Variants in GALNT2 observed in about 807,000 individuals in gnomAD.
The protein encoded by GALNT2 is UDP-GalNAc:polypeptide N-acetylgalactosaminyltransferase 2.
GALNT2 carries 31 observed loss-of-function variants against 81.4 expected under a neutral mutation model. The observed-to-expected ratio is 0.38, with a 90% CI of 0.29 to 0.51. The LOEUF (loss-of-function observed/expected upper bound fraction) is 0.51, where lower values mean the gene tolerates loss of function less well. Ranked by LOEUF, GALNT2 falls within the 20% of genes least tolerant of loss-of-function variation. The pLI is 0.87. For missense variants in GALNT2, 629 were observed against 765.7 expected (o/e 0.82, Z 2.11); for synonymous variants, 303 against 287.4 (o/e 1.05, Z -0.55).
Position 230,276,019 on chromosome 1 carries a change from C to A in GALNT2, c.1560+1455C>A, listed in dbSNP as rs1301479445. Among the ~76,000 whole-genome samples the A allele has an allele frequency of 3.0e-3, 202 of 66,538 alleles. 4 individuals carry two copies. Among genetic ancestry groups the A allele is most frequent in the African/African-American group, 7.4e-3 (76 of 10,268 alleles). The allele number at this position is 66,538 out of a possible 152,430, so 43.7% of individuals were successfully genotyped here. A position where few individuals can be genotyped will look rare whatever the true frequency, so the allele number is the denominator to read the frequency against. ...TGCCACATATATATACGTATATATA[C>A]ATGCCACATATATATACGTATATAC... is the stretch of plus-strand genomic sequence containing the variant. On this transcript the variant is annotated intron_variant, in intron 15 of 15. Coordinates refer to ENST00000366672, the MANE Select transcript of GALNT2 (RefSeq NM_004481.5).
chr1:230,267,693 G>T (rs111543538), intron 14 of GALNT2, among the ~76,000 whole-genome samples: 1 of 152,354 alleles, frequency 6.6e-6, no homozygotes, highest in East Asian at 1.9e-4. Flanking sequence ...AACCCATACA[G>T]GGGGAGGGAA....
chr1:230,212,459 T>C (rs932000175), intron 3 of GALNT2, among the ~76,000 whole-genome samples: 11 of 152,184 alleles, frequency 7.2e-5, no homozygotes, highest in African/African-American at 2.4e-4. Flanking sequence ...GAAAATGTAT[T>C]GGAAGAGTGC....
At chr1:230,058,457 G>T (rs534898751) in intron 1 of GALNT2, among the ~76,000 whole-genome samples, 1 of 152,268 alleles carries the variant, frequency 6.6e-6, no homozygotes, top group South Asian at 2.1e-4. Context: ...CTAATGGGAA[G>T]ATTCCTTTCC....
intron 2 of GALNT2, among the ~76,000 whole-genome samples, chr1:230,181,558 CTT>C (rs1245134286): frequency 1.1e-4 from 16 of 143,032 alleles, no homozygotes; most frequent in Admixed American, 2.8e-4. Flanking sequence ...CTTTCGTTTC[CTT>C]TTTTTTTTTT....
At chr1:230,168,486 A>G (rs1242958890) in intron 1 of GALNT2, among the ~76,000 whole-genome samples, 1 of 152,176 alleles carries the variant, frequency 6.6e-6, no homozygotes, top group African/African-American at 2.4e-5. Flanking sequence ...TCATTGGAAG[A>G]TTGGCTTTCG....
Position 230,246,129 on chromosome 1 carries a change from G to C in GALNT2, c.796G>C (p.Ala266Pro). The change falls in exon 8 of 16, where the codon GCA (alanine) becomes CCA (proline). Residue 266 changes from alanine (A) to proline (P), a missense_variant. This residue lies in a region of GALNT2 where 360 missense variants were observed against 492.8 expected (regional missense o/e 0.73). Transcript: ENST00000366672. ...TATGGACAACTTTCAGTATGTGGGG[G>C]CATCTGCTGACTTGAAGGGCGGTAG... ...INMDNFQYVG[A>P]SADLKGGFDW... 1 of 1,613,996 alleles carries C rather than the reference G, an allele frequency of 6.2e-7. No individual in the cohort carries two copies. Among genetic ancestry groups the C allele is most frequent in the Non-Finnish European group, 8.5e-7 (1 of 1,179,890 alleles).
chr1:230,195,954 T>G (rs1267400499), intron 2 of GALNT2, among the ~76,000 whole-genome samples: 4 of 152,200 alleles, frequency 2.6e-5, no homozygotes, highest in African/African-American at 7.2e-5. Flanking sequence ...AGATGTGCAC[T>G]AGGCTGTACA....
At chr1:230,134,202 G>A (rs150934840) in intron 1 of GALNT2, among the ~76,000 whole-genome samples, 16,507 of 149,390 alleles carry the variant, frequency 0.11, 994 homozygotes, top group Middle Eastern at 0.18. Flanking sequence ...TCTGCCTCCC[G>A]GGTTCACGCC....
rs563614459 is a variant in GALNT2 at position 230,073,065 on chromosome 1, GGA to G, written c.126+5660_126+5661del. Among the ~76,000 whole-genome samples the G allele has an allele frequency of 9.2e-5, 14 of 152,306 alleles. No individual in the cohort carries two copies. In the South Asian group the frequency reaches 2.9e-3, roughly 32 times the overall value. On this transcript the variant is annotated intron_variant, in intron 1 of 15. Coordinates refer to ENST00000366672, the MANE Select transcript of GALNT2 (RefSeq NM_004481.5). ...TGGGTGAGGTGTTTTTAAGGAGGAG[GGA>G]TGTCTTGGTACTTCCATATGCAAAC... is the stretch of plus-strand genomic sequence containing the variant.
intron 13 of GALNT2, chr1:230,264,207 A>G (rs943448958): frequency 6.6e-6 from 1 of 152,400 alleles, no homozygotes; most frequent in Non-Finnish European, 1.5e-5. Context: ...CACTCAACCC[A>G]AAAGAACCCA....
chr1:230,185,298 G>T (rs1310466242), intron 2 of GALNT2, among the ~76,000 whole-genome samples: 1 of 114,010 alleles, frequency 8.8e-6, no homozygotes, highest in Non-Finnish European at 1.9e-5. Flanking sequence ...GTGTGTGTGT[G>T]TGTGCGCGCG....
At chr1:230,120,505 G>A (rs1021133138) in intron 1 of GALNT2, among the ~76,000 whole-genome samples, 1 of 152,142 alleles carries the variant, frequency 6.6e-6, no homozygotes, top group Non-Finnish European at 1.5e-5. Flanking sequence ...CGGCTTTGGG[G>A]AACACTGTGT....
chr1:230,226,411 G>A (rs945467743), intron 3 of GALNT2, among the ~76,000 whole-genome samples: 3 of 152,152 alleles, frequency 2.0e-5, no homozygotes, highest in African/African-American at 7.2e-5. Context: ...TGGAGAAATG[G>A]GCTAGCAAGC....
chr1:230,081,967 G>A (rs190457899), intron 1 of GALNT2, among the ~76,000 whole-genome samples: 9 of 152,334 alleles, frequency 5.9e-5, no homozygotes, highest in South Asian at 4.2e-4. Flanking sequence ...TAGTGAGGAC[G>A]TTTATTTGTG....
chr1:230,169,484 T>G (rs1487576804), intron 1 of GALNT2, among the ~76,000 whole-genome samples: 1 of 152,238 alleles, frequency 6.6e-6, no homozygotes, highest in East Asian at 1.9e-4. Context: ...CTCAACTGGC[T>G]GGGTCACCGA....
rs76606111 is a variant in GALNT2, at chr1:230,145,049, C to T, written c.127-33169C>T. Among the ~76,000 whole-genome samples, 917 of 152,234 alleles carry T rather than the reference C, an allele frequency of 6.0e-3. 16 individuals carry two copies. Among genetic ancestry groups the T allele is most frequent in the African/African-American group, 0.021 (865 of 41,538 alleles). The stretch of plus-strand genomic sequence containing the variant: ...CCGGCGGAGCATCCCAAGGGTCTCC[C>T]GATGGCCACTCCAGAGCTGCGTCAT... On this transcript the variant is annotated intron_variant, in intron 1 of 15. Coordinates refer to ENST00000366672, the MANE Select transcript of GALNT2 (RefSeq NM_004481.5).
chr1:230,240,336 G>T (rs2102739197), intron 6 of GALNT2, among the ~76,000 whole-genome samples: 1 of 152,354 alleles, frequency 6.6e-6, no homozygotes, highest in Non-Finnish European at 1.5e-5. Flanking sequence ...GCTCACGCCT[G>T]TAATCCCAGC....
At chr1:230,169,698 A>G (rs1332490341) in intron 1 of GALNT2, among the ~76,000 whole-genome samples, 2 of 152,212 alleles carry the variant, frequency 1.3e-5, no homozygotes, top group African/African-American at 4.8e-5. Flanking sequence ...ACAGTTCTCA[A>G]ATGTTGAGCA....
chr1:230,245,426 T>C (rs1325698869), intron 7 of GALNT2, among the ~76,000 whole-genome samples: 2 of 151,286 alleles, frequency 1.3e-5, no homozygotes, highest in East Asian at 3.9e-4. Flanking sequence ...ATCACGCCAT[T>C]GCACTCCAGC....
Sources: gnomAD v4.1 joint callset for allele counts (sites outside exome capture counted in the v4.1 genomes callset) on GRCh38, gnomAD v4.1.1 for gene constraint, gnomAD v4.1.1 regional missense constraint, MANE v1.5 for transcripts, NCBI Gene and HGNC (gene_info 2026-07-23, HGNC 2026-07-21) for gene names.